Variants in SEMA4F observed in about 807,000 individuals in gnomAD.
The protein encoded by SEMA4F is ssemaphorin 4F.
In SEMA4F, 51 loss-of-function variants were observed where a neutral mutation model predicts 78.4. That is an observed-to-expected ratio of 0.65 (90% CI 0.52 to 0.82). SEMA4F has a LOEUF of 0.82. Among genes scored for constraint, SEMA4F ranks in the 40% least tolerant of loss-of-function variants. The pLI is 0.00. For missense variants in SEMA4F, 938 were observed against 1,014.4 expected, an observed-to-expected ratio of 0.92 and a Z score of 1.02; for synonymous variants, 418 against 408.7, an observed-to-expected ratio of 1.02 and a Z score of -0.27.
chr2:74,698,289 GT>G, the SEMA4F span, among the ~76,000 whole-genome samples: 1 of 152,214 alleles, frequency 6.6e-6, no homozygotes, highest in Non-Finnish European at 1.5e-5. Context: ...TCATAAGAAG[GT>G]TTTAAATGGG....
In SEMA4F at chr2:74,654,486, C is replaced by A. The variant is rs1439106182; in HGVS notation, c.110C>A (p.Pro37His). ...AGCGGCCCGGTATCCGGCCGCGTCC[C>A]CCGCTCGGTGCCCAGAACCTCGCTT... The part of the protein sequence containing the change: ...VLSGPVSGRV[P>H]RSVPRTSLPI... Residue 37 changes from proline to histidine, a missense_variant, in exon 1 of 14, where the codon CCC (proline) becomes CAC (histidine). Transcript: ENST00000357877. 2.5e-6 allele frequency: 4 copies of A among 1,576,172 alleles called. No homozygotes were observed. Among genetic ancestry groups the A allele is most frequent in the African/African-American group, 1.4e-5 (1 of 71,394 alleles).
chr2:74,695,362 A>C, the SEMA4F span, among the ~76,000 whole-genome samples: 41 of 152,336 alleles, frequency 2.7e-4, no homozygotes, highest in East Asian at 7.7e-3. Context: ...ACCTCAGAGC[A>C]CAACAGTGCT....
In SEMA4F at chr2:74,654,284, C is replaced by T. The variant is rs1683988929; in HGVS notation, c.-93C>T. The T allele has an allele frequency of 3.0e-6, 4 of 1,335,716 alleles. No individual in the cohort carries two copies. Among genetic ancestry groups the T allele is most frequent in the Admixed American group, 3.9e-5 (1 of 25,482 alleles). The allele number at this position is 1,335,716 out of a possible 1,614,324, so 82.7% of individuals were successfully genotyped here. A position where few individuals can be genotyped will look rare whatever the true frequency, so the allele number is the denominator to read the frequency against. On this transcript the variant is annotated 5_prime_UTR_variant, in exon 1 of 14. Coordinates refer to ENST00000357877, the MANE Select transcript of SEMA4F (RefSeq NM_004263.5). ...AGCCTCAGGCTGAGCCGGACCGAGC[C>T]GAGAGGACCCGAGTGGGGCCGAGGC...
downstream of SEMA4F, among the ~76,000 whole-genome samples, chr2:74,687,235 T>C (rs892078775): frequency 2.0e-5 from 3 of 152,228 alleles, no homozygotes; most frequent in Non-Finnish European, 4.4e-5. Flanking sequence ...TAGGGAGAAC[T>C]AGTTGTTTCC....
intron 5 of SEMA4F, among the ~76,000 whole-genome samples, chr2:74,668,948 A>T (rs1230786696): frequency 6.6e-6 from 1 of 151,572 alleles, no homozygotes; most frequent in Non-Finnish European, 1.5e-5. Flanking sequence ...AAAAAAAAAA[A>T]AAAAATTAGC....
At chr2:74,672,369 C>G (rs374290661) in intron 5 of SEMA4F, among the ~76,000 whole-genome samples, 1 of 152,180 alleles carries the variant, frequency 6.6e-6, no homozygotes, top group East Asian at 1.9e-4. Flanking sequence ...TAGCTGGGTC[C>G]CCCATATCTG....
chr2:74,686,879 G>T (rs1220666860), downstream of SEMA4F, among the ~76,000 whole-genome samples: 1 of 151,866 alleles, frequency 6.6e-6, no homozygotes, highest in East Asian at 1.9e-4. Context: ...GCCTGTTGGA[G>T]GGTGGGGGGC....
chr2:74,666,176 G>C (rs1012738931), intron 5 of SEMA4F, among the ~76,000 whole-genome samples: 3 of 152,158 alleles, frequency 2.0e-5, no homozygotes, highest in African/African-American at 7.2e-5. Context: ...AAAATGCTGG[G>C]ATTACAGGCG....
At position 74,673,511 on chromosome 2, in the gene SEMA4F, T is replaced by C. The variant is rs1189775399; in HGVS notation, c.605T>C (p.Ile202Thr). The C allele has an allele frequency of 6.2e-7, 1 of 1,614,026 alleles. No individual in the cohort carries two copies. Among genetic ancestry groups the C allele is most frequent in the African/African-American group, 1.3e-5 (1 of 74,882 alleles). The change falls in exon 6 of 14, where the codon ATC (isoleucine) becomes ACC (threonine). Residue 202 changes from isoleucine (I) to threonine (T), a missense_variant. Physicochemically the swap from Ile to Thr is moderately conservative, Grantham distance 89 (BLOSUM62 -1). Coordinates refer to ENST00000357877, the MANE Select transcript of SEMA4F (RefSeq NM_004263.5). ...AACTACCTGGGGACGGAGCCAATTATCACCAGAGCAGTGGGTCGTGCCGAG... is the reference window on the plus strand; with the variant it reads ...AACTACCTGGGGACGGAGCCAATTACCACCAGAGCAGTGGGTCGTGCCGAG... ...VKNYLGTEPI[I>T]TRAVGRAEDW...
intron 4 of SEMA4F, among the ~76,000 whole-genome samples, chr2:74,660,338 T>G (rs540159508): frequency 6.6e-6 from 1 of 152,372 alleles, no homozygotes; most frequent in East Asian, 1.9e-4. Flanking sequence ...AGACCTTATC[T>G]GTCTTCAATT....
rs1480910319 is a variant in SEMA4F at position 74,658,767 on chromosome 2, GCCTCACATAT to G, written c.456+820_456+829del. 6.6e-6 allele frequency among the ~76,000 whole-genome samples: 1 copy of G among 152,232 alleles called. No individual in the cohort carries two copies. The highest frequency in any genetic ancestry group is 1.5e-5 in the Non-Finnish European group (1 of 68,044). On this transcript the variant is annotated intron_variant, in intron 4 of 13. Transcript: ENST00000357877. This position sits in a 1 kb window ranked among gnomAD's most constrained non-coding sequence, Gnocchi z 4.3. ...GACAAGCCCCTGGCGTGAGTCAGAA[GCCTCACATAT>G]CCTTTATATCCAGTGGCTTCTCTTT...
chr2:74,708,897 G>T, the SEMA4F span, among the ~76,000 whole-genome samples: 4 of 152,196 alleles, frequency 2.6e-5, no homozygotes, highest in Admixed American at 6.5e-5. Context: ...TGGGTGCGGT[G>T]GTTCACCCCA....
rs755808469 is a variant in SEMA4F at position 74,679,848 on chromosome 2, A to G, written c.1952A>G (p.Asp651Gly). Residue 651 changes from aspartate (D) to glycine (G), a missense_variant, in exon 14 of 14, where the codon GAT becomes GGT. Asp to Gly is a moderately conservative substitution (Grantham distance 94). Transcript: ENST00000357877. ...AYSLVWGSQR[D>G]APSRAHTVGA... is the part of the protein sequence containing the mutation. ...AGCTTGGTATGGGGCAGCCAGCGAG[A>G]TGCTCCGAGCCGGGCCCACACAGTG... 4 of 1,614,050 alleles carry G rather than the reference A, an allele frequency of 2.5e-6. No individual in the cohort carries two copies. In the South Asian group the frequency reaches 3.3e-5, roughly 13 times the overall value.
chr2:74,708,269 A>G, the SEMA4F span, among the ~76,000 whole-genome samples: 4 of 152,224 alleles, frequency 2.6e-5, no homozygotes, highest in Non-Finnish European at 4.4e-5. Context: ...TACAATGTCT[A>G]GTATCTAAGC....
intron 8 of SEMA4F, 50 bp from the exon 9 acceptor site, chr2:74,674,838 G>A: frequency 6.3e-7 from 1 of 1,593,984 alleles, no homozygotes; most frequent in South Asian, 1.1e-5. Context: ...GGGATGAGTT[G>A]CTATCCCCCA....
intron 2 of SEMA4F, 117 bp from the exon 3 acceptor site, chr2:74,657,448 G>T: frequency 1.2e-6 from 1 of 854,638 alleles, no homozygotes. Context: ...AATGCTCTAG[G>T]GGGACTTTTG....
chr2:74,701,556 A>G, the SEMA4F span, among the ~76,000 whole-genome samples: 1 of 152,148 alleles, frequency 6.6e-6, no homozygotes, highest in East Asian at 1.9e-4. Flanking sequence ...CCCCAAGTCC[A>G]TTGCTCTGAG....
chr2:74,685,168 TTA>T (rs1383539855), downstream of SEMA4F, among the ~76,000 whole-genome samples: 2 of 152,142 alleles, frequency 1.3e-5, no homozygotes, highest in Admixed American at 6.5e-5. Flanking sequence ...GAATTTCCTC[TTA>T]GAGAAATGGC....
chr2:74,664,200 A>G (rs1256976169), intron 5 of SEMA4F, among the ~76,000 whole-genome samples: 3 of 152,218 alleles, frequency 2.0e-5, no homozygotes, highest in Non-Finnish European at 4.4e-5. Context: ...TTTTATGAGC[A>G]TGTGCACAGT....
Sources: gnomAD v4.1 joint callset for allele counts (sites outside exome capture counted in the v4.1 genomes callset) on GRCh38, gnomAD v4.1.1 for gene constraint, Gnocchi (gnomAD v3.1) non-coding constraint, MANE v1.5 for transcripts, NCBI Gene and HGNC (gene_info 2026-07-23, HGNC 2026-07-21) for gene names.